FXR1: variants seen among roughly 807,000 people sequenced by gnomAD.
FXR1 encodes RNA-binding protein FXR1.
FXR1 carries 15 observed loss-of-function variants against 84.0 expected under a neutral mutation model. That is an observed-to-expected ratio of 0.18 (90% confidence interval 0.12 to 0.27). The LOEUF is 0.27. Among genes scored for constraint, FXR1 ranks in the 10% least tolerant of loss-of-function variants. The pLI, the probability that FXR1 is intolerant of heterozygous loss-of-function variation, is 1.00. For missense variants in FXR1, 480 were observed against 774.4 expected, an observed-to-expected ratio of 0.62 and a Z score of 4.51; for synonymous variants, 245 against 250.7, an observed-to-expected ratio of 0.98 and a Z score of 0.21.
chr3:180,931,444 C>T (rs934847181), intron 1 of FXR1, among the ~76,000 whole-genome samples: 4 of 152,092 alleles, frequency 2.6e-5, no homozygotes, highest in African/African-American at 9.7e-5. Flanking sequence ...GTCTCGAACT[C>T]CTGACCTCAG....
At chr3:180,914,847 G>A in intron 1 of FXR1, 1 of 984,652 alleles carries the variant, frequency 1.0e-6, no homozygotes, top group Non-Finnish European at 1.2e-6. Flanking sequence ...CTGAAATCAT[G>A]TACGCTTGAA....
At chr3:180,949,645 A>G (rs1183329998) in intron 7 of FXR1, among the ~76,000 whole-genome samples, 3 of 152,132 alleles carry the variant, frequency 2.0e-5, no homozygotes, top group Non-Finnish European at 2.9e-5. Context: ...CAGCCTCTCA[A>G]AGTGCTGGGA....
intron 14 of FXR1, among the ~76,000 whole-genome samples, chr3:180,969,230 A>G (rs748609862): frequency 2.6e-5 from 4 of 152,190 alleles, no homozygotes; most frequent in Non-Finnish European, 5.9e-5. Context: ...ATTTTAGTAC[A>G]CTTTGTACAG....
At chr3:180,945,323 C>T (rs1721585041) in intron 3 of FXR1, among the ~76,000 whole-genome samples, 1 of 152,188 alleles carries the variant, frequency 6.6e-6, no homozygotes, top group Non-Finnish European at 1.5e-5. Flanking sequence ...CCTTTGTATA[C>T]ACATCTGCTT....
chr3:180,978,858 G>A lies in FXR1; in HGVS notation c.*2566G>A, dbSNP rs1044300873. On this transcript the variant is annotated 3_prime_UTR_variant, in exon 17 of 17. Coordinates refer to ENST00000357559, the MANE Select transcript of FXR1 (RefSeq NM_005087.4). The stretch of plus-strand genomic sequence containing the variant: ...ATGACCTGCTTTTCCTGAAGCTTTG[G>A]GAGGCCTAGGATTCTTGCTTTAGGC... 1 of 152,092 alleles carries A rather than the reference G, an allele frequency of 6.6e-6. No individual in the cohort carries two copies. Among genetic ancestry groups the A allele is most frequent in the Admixed American group, 6.6e-5 (1 of 15,248 alleles). The allele number at this position is 152,092 out of a possible 1,614,324, so 9.4% of individuals were successfully genotyped here. A position where few individuals can be genotyped will look rare whatever the true frequency, so the allele number is the denominator to read the frequency against.
At position 180,958,031 on chromosome 3, in the gene FXR1, C is replaced by G. The variant is rs181799042; in HGVS notation, c.990+103C>G. On this transcript the variant is annotated intron_variant, in intron 10 of 16. Transcript: ENST00000357559. ...GTTTTATCTGATACAGAGGGTTTTT[C>G]TTCTTTTTAAAATTATGTTTTTATA... is the stretch of plus-strand genomic sequence containing the variant. 8.9e-4 allele frequency: 422 copies of G among 474,130 alleles called. 1 individual carries two copies. Among genetic ancestry groups the G allele is most frequent in the African/African-American group, 7.9e-3 (392 of 49,652 alleles). The allele number at this position is 474,130 out of a possible 1,614,324, so 29.4% of individuals were successfully genotyped here. A position where few individuals can be genotyped will look rare whatever the true frequency, so the allele number is the denominator to read the frequency against.
At chr3:180,942,335 G>A (rs963663823) in intron 3 of FXR1, among the ~76,000 whole-genome samples, 3 of 121,824 alleles carry the variant, frequency 2.5e-5, no homozygotes, top group African/African-American at 3.2e-5. Flanking sequence ...CTGAGATTGC[G>A]CCACTGCACT....
At chr3:180,933,865 C>CT (rs1322309234) in intron 2 of FXR1, among the ~76,000 whole-genome samples, 2 of 152,126 alleles carry the variant, frequency 1.3e-5, no homozygotes, top group African/African-American at 4.8e-5. Context: ...AATCCCAGCA[C>CT]TTTGGGAGGC....
intron 3 of FXR1, among the ~76,000 whole-genome samples, chr3:180,942,996 C>G (rs1721295188): frequency 6.6e-6 from 1 of 152,048 alleles, no homozygotes; most frequent in Non-Finnish European, 1.5e-5. Flanking sequence ...AAGATGGAGT[C>G]TTGCTTGTCG....
At chr3:180,929,349 A>G (rs1054981456) in intron 1 of FXR1, among the ~76,000 whole-genome samples, 1 of 152,128 alleles carries the variant, frequency 6.6e-6, no homozygotes, top group Non-Finnish European at 1.5e-5. Context: ...CAGATGTGTT[A>G]TACTGCCTGG....
chr3:180,953,173 A>G (rs1332208175), intron 8 of FXR1, among the ~76,000 whole-genome samples: 1 of 152,186 alleles, frequency 6.6e-6, no homozygotes, highest in East Asian at 1.9e-4. Flanking sequence ...AACACACGTT[A>G]AAAGTGAAAG....
chr3:180,980,079 CAG>C lies in FXR1; in HGVS notation c.*3792_*3793del, dbSNP rs1714538577. Reference sequence around the variant, plus strand: ...CTCTATGGTTTCAATTTTATCCAACCAGAGAGGGCTGGCCTAGTTGGTATCTT... The same window carrying C: ...CTCTATGGTTTCAATTTTATCCAACCAGAGGGCTGGCCTAGTTGGTATCTT... On this transcript the variant is annotated 3_prime_UTR_variant, in exon 17 of 17. Transcript: ENST00000357559. 6.6e-6 allele frequency: 1 copy of C among 151,956 alleles called. No homozygotes were observed. The highest frequency in any genetic ancestry group is 1.5e-5 in the Non-Finnish European group (1 of 67,924). 9.4% of individuals were successfully genotyped at this position (151,956 alleles called of 1,614,324 possible).
chr3:180,964,179 C>A (rs1305466605), intron 13 of FXR1, among the ~76,000 whole-genome samples: 1 of 151,964 alleles, frequency 6.6e-6, no homozygotes, highest in Non-Finnish European at 1.5e-5. Flanking sequence ...CAGCAAAATT[C>A]TAATAAAGAA....
rs562977380 is a variant in FXR1 at position 180,979,292 on chromosome 3, A to C, written c.*3000A>C. 1.3e-5 allele frequency: 2 copies of C among 152,272 alleles called. No homozygotes were observed. Among genetic ancestry groups the C allele is most frequent in the South Asian group, 4.1e-4 (2 of 4,828 alleles). 9.4% of individuals were successfully genotyped at this position (152,272 alleles called of 1,614,324 possible). A position where few individuals can be genotyped will look rare whatever the true frequency, so the allele number is the denominator to read the frequency against. On this transcript the variant is annotated 3_prime_UTR_variant, in exon 17 of 17. Transcript: ENST00000357559. ...ATGGGCTGTTGCCTAAGGACAGATA[A>C]ACATGGAAAACAGGCTATGTCCAGG...
Position 180,980,102 on chromosome 3 carries a change from A to G in FXR1, c.*3810A>G, listed in dbSNP as rs1257191075. On this transcript the variant is annotated 3_prime_UTR_variant, in exon 17 of 17. Transcript: ENST00000357559. ...ACCAGAGAGGGCTGGCCTAGTTGGT[A>G]TCTTTAAGGCCCTTCCAGTAGTAAT... is the stretch of plus-strand genomic sequence containing the variant. The G allele has an allele frequency of 6.6e-6, 1 of 152,016 alleles. No individual in the cohort carries two copies. The highest frequency in any genetic ancestry group is 2.4e-5 in the African/African-American group (1 of 41,424). 9.4% of individuals were successfully genotyped at this position (152,016 alleles called of 1,614,324 possible).
chr3:180,977,563 T>A lies in FXR1; in HGVS notation c.*1271T>A, dbSNP rs1222527669. 1.3e-5 allele frequency: 2 copies of A among 152,126 alleles called. No individual in the cohort carries two copies. Among genetic ancestry groups the A allele is most frequent in the Non-Finnish European group, 2.9e-5 (2 of 67,962 alleles). The allele number at this position is 152,126 out of a possible 1,614,324, so 9.4% of individuals were successfully genotyped here. On this transcript the variant is annotated 3_prime_UTR_variant, in exon 17 of 17. Transcript: ENST00000357559. The stretch of plus-strand genomic sequence containing the variant: ...TCAGTTATTAAACTTTATGTATATA[T>A]TTTAGCCAGAGCTTAATTTTTATGA...
intron 2 of FXR1, 95 bp from the exon 3 acceptor site, chr3:180,935,043 G>T (rs1720359864): frequency 3.4e-6 from 2 of 595,586 alleles, no homozygotes; most frequent in South Asian, 2.3e-5. Context: ...TCTCTTTAGG[G>T]AAAGCTAAAT....
At chr3:180,927,994 CTT>C (rs1052835919) in intron 1 of FXR1, among the ~76,000 whole-genome samples, 2 of 151,904 alleles carry the variant, frequency 1.3e-5, no homozygotes, top group Admixed American at 1.3e-4. Context: ...TTTTATCAAA[CTT>C]TGTGGCTTTT....
At position 180,919,973 on chromosome 3, in the gene FXR1, A is replaced by C. The variant is rs187228406; in HGVS notation, c.51+7237A>C. ...GAGCCACTACCTCCTTCTTTTAATC[A>C]AGATAATTTATGCTATCAGTGTATT... On this transcript the variant is annotated intron_variant, in intron 1 of 16. Coordinates refer to ENST00000357559, the MANE Select transcript of FXR1 (RefSeq NM_005087.4). 1.6e-3 allele frequency among the ~76,000 whole-genome samples: 237 copies of C among 152,290 alleles called. 2 individuals are homozygous for C. The highest frequency in any genetic ancestry group is 5.6e-3 in the African/African-American group (231 of 41,568).
Sources: gnomAD v4.1 joint callset for allele counts (sites outside exome capture counted in the v4.1 genomes callset) on GRCh38, gnomAD v4.1.1 for gene constraint, MANE v1.5 for transcripts, NCBI Gene and HGNC (gene_info 2026-07-23, HGNC 2026-07-21) for gene names.